NRXN3: variants seen among roughly 807,000 people sequenced by gnomAD.
NRXN3 encodes neurexin 3.
In NRXN3, 32 loss-of-function variants were observed where a neutral mutation model predicts 137.6. The ratio of observed to expected loss-of-function variants is 0.23; its 90% CI spans 0.18 to 0.31. The LOEUF is 0.31. Ranked by LOEUF, NRXN3 falls within the 10% of genes least tolerant of loss-of-function variation. The probability of loss-of-function intolerance (pLI) is 1.00; values close to 1 mark genes in which losing one functional copy is unlikely to be tolerated. For missense variants in NRXN3, 1,574 were observed against 2,062.5 expected (o/e 0.76, Z 4.59); for synonymous variants, 798 against 784.5 (o/e 1.02, Z -0.29).
At chr14:78,871,085 G>A (rs950435613) in intron 10 of NRXN3, among the ~76,000 whole-genome samples, 2 of 146,312 alleles carry the variant, frequency 1.4e-5, no homozygotes, top group African/African-American at 2.5e-5. Context: ...ACCCAGAAGT[G>A]GCATTACTAG....
chr14:78,903,955 A>G (rs1455294871), intron 10 of NRXN3, among the ~76,000 whole-genome samples: 1 of 152,106 alleles, frequency 6.6e-6, no homozygotes, highest in Admixed American at 6.6e-5. Flanking sequence ...TATAGGGTAT[A>G]TCAATAGTTC....
chr14:79,018,293 AAAAGAGAGAG>A (rs2099583122), intron 15 of NRXN3, among the ~76,000 whole-genome samples: 5 of 17,146 alleles, frequency 2.9e-4, no homozygotes, highest in Admixed American at 1.9e-3. Flanking sequence ...AAAAAAAAAA[AAAAGAGAGAG>A]AGCAAGAAGA....
chr14:79,414,423 G>A (rs2095467164), intron 15 of NRXN3, among the ~76,000 whole-genome samples: 1 of 151,820 alleles, frequency 6.6e-6, no homozygotes, highest in African/African-American at 2.4e-5. Context: ...AGTTCTTTTA[G>A]TCCCACCTTT....
intron 16 of NRXN3, among the ~76,000 whole-genome samples, chr14:79,528,353 A>T (rs1489486013): frequency 2.0e-5 from 3 of 152,200 alleles, no homozygotes; most frequent in Non-Finnish European, 4.4e-5. Flanking sequence ...GATGTTATAA[A>T]CACCATCACA....
At chr14:78,610,331 A>C (rs1406264131) in intron 4 of NRXN3, among the ~76,000 whole-genome samples, 2 of 152,204 alleles carry the variant, frequency 1.3e-5, no homozygotes, top group Admixed American at 6.5e-5. Context: ...ATTTTATTCA[A>C]AAATAGATTT....
At chr14:79,710,906 G>C (rs1385252007) in intron 19 of NRXN3, among the ~76,000 whole-genome samples, 3 of 152,170 alleles carry the variant, frequency 2.0e-5, no homozygotes, top group African/African-American at 7.2e-5. Context: ...GTCTGGTACT[G>C]TTCTTAAATA....
At position 78,715,078 on chromosome 14, in the gene NRXN3, C is replaced by G; in HGVS notation, c.1983C>G (p.Gly661=). 6.2e-7 allele frequency: 1 copy of G among 1,613,308 alleles called. No homozygotes were observed. Among genetic ancestry groups the G allele is most frequent in the Non-Finnish European group, 8.5e-7 (1 of 1,179,962 alleles). ...PCKNNAVCKD[G]WNRFICDCTG... ...AGAATAATGCTGTGTGCAAGGACGG[C>G]TGGAACCGCTTCATCTGCGACTGCA... The change falls in exon 8 of 21, where the codon GGC becomes GGG. Residue 661 remains glycine, a synonymous_variant. Coordinates refer to ENST00000335750, the MANE Select transcript of NRXN3 (RefSeq NM_001330195.2).
intron 15 of NRXN3, among the ~76,000 whole-genome samples, chr14:79,125,279 T>C (rs753812726): frequency 4.6e-5 from 7 of 152,198 alleles, no homozygotes; most frequent in Non-Finnish European, 7.3e-5. Context: ...TTAGCACTTA[T>C]TAGTGTATAA....
intron 15 of NRXN3, among the ~76,000 whole-genome samples, chr14:79,258,402 A>G (rs1281273918): frequency 1.3e-5 from 2 of 151,910 alleles, no homozygotes; most frequent in Admixed American, 1.3e-4. Flanking sequence ...ACCAGGTTTT[A>G]CCATGTTTTC....
intron 16 of NRXN3, among the ~76,000 whole-genome samples, chr14:79,487,594 C>A (rs930362877): frequency 2.0e-5 from 3 of 152,022 alleles, no homozygotes; most frequent in Non-Finnish European, 4.4e-5. Context: ...CATCTCCTCT[C>A]TTTGCATGGG....
At chr14:79,443,495 T>C (rs1054117716) in intron 15 of NRXN3, among the ~76,000 whole-genome samples, 2 of 152,190 alleles carry the variant, frequency 1.3e-5, no homozygotes, top group Non-Finnish European at 2.9e-5. Context: ...ATACTTGTAC[T>C]ACGTCTTGCA....
At chr14:79,300,546 G>A (rs1055456109) in intron 15 of NRXN3, among the ~76,000 whole-genome samples, 1 of 151,970 alleles carries the variant, frequency 6.6e-6, no homozygotes, top group African/African-American at 2.4e-5. Flanking sequence ...AGGCTGAGGA[G>A]CCTCACGTGA....
intron 20 of NRXN3, among the ~76,000 whole-genome samples, chr14:79,819,033 C>A (rs1356448117): frequency 6.6e-6 from 1 of 152,192 alleles, no homozygotes; most frequent in Admixed American, 6.5e-5. Context: ...AGCACAGAGA[C>A]CTCCTCTTAC....
At chr14:78,869,807 T>C (rs2099096883) in intron 10 of NRXN3, among the ~76,000 whole-genome samples, 1 of 152,152 alleles carries the variant, frequency 6.6e-6, no homozygotes, top group South Asian at 2.1e-4. Context: ...TAAAGCATGG[T>C]AGGGAAAGTT....
intron 14 of NRXN3, among the ~76,000 whole-genome samples, chr14:78,977,902 T>G (rs2099473998): frequency 6.6e-6 from 1 of 152,170 alleles, no homozygotes; most frequent in Admixed American, 6.5e-5. Flanking sequence ...AGTTTTATTT[T>G]CCTTTTCCTG....
At chr14:79,567,093 C>G (rs1436092914) in intron 16 of NRXN3, among the ~76,000 whole-genome samples, 1 of 152,052 alleles carries the variant, frequency 6.6e-6, no homozygotes, top group East Asian at 1.9e-4. Context: ...GATATCTGCT[C>G]TCTTTGCAGT....
intron 10 of NRXN3, among the ~76,000 whole-genome samples, chr14:78,922,489 G>A (rs968079959): frequency 1.3e-5 from 2 of 152,150 alleles, no homozygotes; most frequent in South Asian, 2.1e-4. Flanking sequence ...TCAAGTTTAC[G>A]CTGTGTATGG....
intron 10 of NRXN3, among the ~76,000 whole-genome samples, chr14:78,917,847 T>C (rs539958174): frequency 1.3e-5 from 2 of 152,188 alleles, no homozygotes; most frequent in East Asian, 1.9e-4. Context: ...GGTGGGATGC[T>C]CTTCATAGGA....
chr14:78,374,811 G>A (rs968044698), intron 4 of NRXN3, among the ~76,000 whole-genome samples: 1 of 145,500 alleles, frequency 6.9e-6, no homozygotes, highest in African/African-American at 2.5e-5. Context: ...CTGCTTAAAA[G>A]ATGTAATTTT....
Sources: gnomAD v4.1 joint callset for allele counts (sites outside exome capture counted in the v4.1 genomes callset) on GRCh38, gnomAD v4.1.1 for gene constraint, MANE v1.5 for transcripts, NCBI Gene and HGNC (gene_info 2026-07-23, HGNC 2026-07-21) for gene names.